The following CAST variants were observed in gnomAD, a reference collection of about 807,000 sequenced individuals.
The protein encoded by CAST is calpastatin, also known as MIR583 host.
A neutral mutation model predicts 119.6 loss-of-function variants in CAST; 76 were observed. The observed-to-expected ratio is 0.64, with a 90% confidence interval of 0.53 to 0.77. CAST has a LOEUF of 0.77. CAST is among the 30% of genes least tolerant of loss of function. The pLI is 0.00. For synonymous variants in CAST, 319 were observed against 331.6 expected (o/e 0.96, Z 0.41); for missense variants, 953 against 946.5 (o/e 1.01, Z -0.09).
At chr5:96,583,600 A>C (rs992592582) in intron 1 of CAST, among the ~76,000 whole-genome samples, 24 of 152,184 alleles carry the variant, frequency 1.6e-4, no homozygotes, top group African/African-American at 5.6e-4. Context: ...TATATGTAAA[A>C]TGTTTAACAT....
rs554394587 is a variant in CAST, at chr5:96,530,177, G to A, written c.60+297G>A. ...AAGAGACAGACTAACGTGGGAGGGA[G>A]GGAGGGAGGAAGGGAGCAGCCTTAG... On this transcript the variant is annotated intron_variant, in intron 1 of 11. Coordinates refer to the CAST transcript ENST00000505143. 4.6e-5 allele frequency among the ~76,000 whole-genome samples: 7 copies of A among 152,280 alleles called. No individual in the cohort carries two copies. The South Asian group carries it at 1.5e-3, about 32-fold the overall frequency.
At chr5:96,093,562 G>A in the CAST span, among the ~76,000 whole-genome samples, 15 of 152,328 alleles carry the variant, frequency 9.8e-5, no homozygotes, top group South Asian at 8.3e-4. Context: ...GACCTTAGAA[G>A]TGTGATAAAA....
intron 1 of CAST, among the ~76,000 whole-genome samples, chr5:96,540,004 T>C (rs1310311515): frequency 6.6e-6 from 1 of 152,182 alleles, no homozygotes; most frequent in Non-Finnish European, 1.5e-5. Flanking sequence ...ATGGCTGTTT[T>C]AGTATTTATA....
At chr5:96,380,610 A>G in the CAST span, among the ~76,000 whole-genome samples, 3 of 152,232 alleles carry the variant, frequency 2.0e-5, no homozygotes, top group African/African-American at 7.2e-5. Context: ...CTTCAAGGAA[A>G]ACAACTGATA....
At chr5:96,305,864 A>G in the CAST span, among the ~76,000 whole-genome samples, 2 of 152,200 alleles carry the variant, frequency 1.3e-5, no homozygotes, top group Non-Finnish European at 2.9e-5. Context: ...CCAGTATTTT[A>G]TTGAGGATTT....
chr5:96,292,742 G>A, the CAST span, among the ~76,000 whole-genome samples: 5 of 152,268 alleles, frequency 3.3e-5, no homozygotes, highest in African/African-American at 4.8e-5. Flanking sequence ...AGACTGACGC[G>A]CTGCCCACTG....
At chr5:96,709,721 CAT>C (rs1193677203) in intron 3 of CAST, among the ~76,000 whole-genome samples, 3 of 152,208 alleles carry the variant, frequency 2.0e-5, no homozygotes, top group Admixed American at 6.5e-5. Flanking sequence ...TCACTCTACA[CAT>C]GTTTTCATTT....
At chr5:96,280,419 A>G in the CAST span, among the ~76,000 whole-genome samples, 3 of 152,254 alleles carry the variant, frequency 2.0e-5, no homozygotes, top group African/African-American at 4.8e-5. Context: ...ATGACTAACA[A>G]TGAAGTAGAA....
the CAST span, among the ~76,000 whole-genome samples, chr5:96,099,788 T>C: frequency 5.5e-4 from 83 of 152,204 alleles, no homozygotes; most frequent in Non-Finnish European, 1.0e-3. Context: ...GAAGTTTTCT[T>C]TTTTTGTTAT....
At chr5:96,460,576 A>AT in the CAST span, among the ~76,000 whole-genome samples, 1 of 149,786 alleles carries the variant, frequency 6.7e-6, no homozygotes, top group Non-Finnish European at 1.5e-5. Flanking sequence ...AAAAAAAAAA[A>AT]CCAACCCTCA....
At chr5:96,487,175 G>A in the CAST span, among the ~76,000 whole-genome samples, 1 of 152,048 alleles carries the variant, frequency 6.6e-6, no homozygotes, top group Non-Finnish European at 1.5e-5. Context: ...CATATTACAG[G>A]TTGTGGTTGG....
the CAST span, chr5:95,962,001 A>G: frequency 4.8e-6 from 2 of 414,608 alleles, no homozygotes; most frequent in Non-Finnish European, 8.5e-6. Flanking sequence ...GCCCAAAGTC[A>G]CTAGAGTTTT....
At chr5:96,017,115 C>G in the CAST span, among the ~76,000 whole-genome samples, 1 of 152,112 alleles carries the variant, frequency 6.6e-6, no homozygotes. Context: ...GGATTACAGG[C>G]GTGAGCCACC....
At chr5:96,278,162 TGAA>T in the CAST span, among the ~76,000 whole-genome samples, 29 of 152,072 alleles carry the variant, frequency 1.9e-4, no homozygotes, top group Non-Finnish European at 3.5e-4. Flanking sequence ...AGGTTAGGGA[TGAA>T]GAAGAAGAAG....
At chr5:96,740,632 A>C in intron 12 of CAST, 113 bp from the exon 13 acceptor site, 1 of 750,732 alleles carries the variant, frequency 1.3e-6, no homozygotes, top group Non-Finnish European at 2.4e-6. Flanking sequence ...TAAGACTTGA[A>C]CATATAGATC....
the CAST span, among the ~76,000 whole-genome samples, chr5:96,474,573 C>T: frequency 5.6e-3 from 859 of 152,256 alleles, 9 homozygotes; most frequent in Non-Finnish European, 7.9e-3. Flanking sequence ...GGGACGAGGC[C>T]TCAGATGCTG....
chr5:96,365,331 C>T, the CAST span, among the ~76,000 whole-genome samples: 1 of 152,180 alleles, frequency 6.6e-6, no homozygotes, highest in African/African-American at 2.4e-5. Context: ...CTGTAGATGT[C>T]TATTAGGTCC....
At chr5:96,047,552 G>A in the CAST span, among the ~76,000 whole-genome samples, 1 of 152,180 alleles carries the variant, frequency 6.6e-6, no homozygotes, top group Admixed American at 6.5e-5. Flanking sequence ...TCTCATATGA[G>A]TTTCTAGGTT....
chr5:96,527,262 T>A (rs1227315938), upstream of CAST, among the ~76,000 whole-genome samples: 38 of 152,168 alleles, frequency 2.5e-4, no homozygotes, highest in Admixed American at 2.5e-3. Context: ...AATGAGGAAT[T>A]TCCTTGTGAG....
Sources: allele counts gnomAD v4.1 joint callset (sites outside exome capture counted in the v4.1 genomes callset), GRCh38; gene constraint gnomAD v4.1.1; transcripts MANE v1.5; gene names NCBI Gene and HGNC (gene_info 2026-07-23, HGNC 2026-07-21).